The following PRPSAP2 variants were observed in gnomAD, a reference collection of about 807,000 sequenced individuals.
PRPSAP2 encodes phosphoribosyl pyrophosphate synthase-associated protein 2.
PRPSAP2 carries 24 observed loss-of-function variants against 40.6 expected under a neutral mutation model. The observed-to-expected ratio is 0.59, with a 90% CI of 0.43 to 0.83. The LOEUF (loss-of-function observed/expected upper bound fraction) is 0.83. Among genes scored for constraint, PRPSAP2 ranks in the 40% least tolerant of loss-of-function variants. PRPSAP2 has a pLI of 0.00. For missense variants in PRPSAP2, 292 were observed against 465.6 expected (o/e 0.63, Z 3.43); for synonymous variants, 149 against 164.7 (o/e 0.90, Z 0.73).
chr17:18,870,323 T>C (rs34417974), intron 4 of PRPSAP2, among the ~76,000 whole-genome samples: 80,202 of 151,378 alleles, frequency 0.53, 21,483 homozygotes, highest in Middle Eastern at 0.6. Flanking sequence ...CTCTTCAGCC[T>C]GGGAGGTCAA....
In PRPSAP2 at chr17:18,897,469, T is replaced by C. The variant is rs934652683; in HGVS notation, c.584+7592T>C. ...TCTATAGTGGTGTTGTTGTTGTTGT[T>C]GTTGTTGTTTAGACGGATTTTTATA... is the stretch of plus-strand genomic sequence containing the variant. On this transcript the variant is annotated intron_variant, in intron 8 of 11. Coordinates refer to ENST00000268835, the MANE Select transcript of PRPSAP2 (RefSeq NM_002767.4). Among the ~76,000 whole-genome samples the C allele has an allele frequency of 1.9e-4, 29 of 152,020 alleles. 1 individual carries two copies. Among genetic ancestry groups the C allele is most frequent in the Admixed American group, 1.4e-3 (22 of 15,204 alleles).
chr17:18,909,047 G>A (rs1019134863), intron 8 of PRPSAP2, among the ~76,000 whole-genome samples: 2 of 151,912 alleles, frequency 1.3e-5, no homozygotes, highest in African/African-American at 4.8e-5. Flanking sequence ...ACAAAAACCA[G>A]AAAAAAGCTA....
rs866437626 is a variant in PRPSAP2 at position 18,930,582 on chromosome 17, C to A, written c.994C>A (p.Gln332Lys). 3 of 1,613,708 alleles carry A rather than the reference C, an allele frequency of 1.9e-6. No individual in the cohort carries two copies. Among genetic ancestry groups the A allele is most frequent in the African/African-American group, 1.3e-5 (1 of 74,884 alleles). Residue 332 changes from glutamine to lysine, a missense_variant, in exon 12 of 12, where the codon CAG becomes AAG. Physicochemically the swap from Gln to Lys is moderately conservative, Grantham distance 53 (BLOSUM62 1). Transcript: ENST00000268835. The stretch of plus-strand genomic sequence containing the variant: ...AATTCCACATGAAGTCCAGAAGCTC[C>A]AGTGCCCCAAGATTAAAACTGTGGA... ...NTIPHEVQKLQCPKIKTVDIS... is the reference protein window; with the variant it reads ...NTIPHEVQKLKCPKIKTVDIS...
At chr17:18,902,901 A>G (rs2040367063) in intron 8 of PRPSAP2, among the ~76,000 whole-genome samples, 1 of 142,570 alleles carries the variant, frequency 7.0e-6, no homozygotes, top group African/African-American at 2.6e-5. Flanking sequence ...AAAGAAATTG[A>G]CTTGCCCCCC....
intron 10 of PRPSAP2, among the ~76,000 whole-genome samples, chr17:18,927,432 C>T (rs2042032219): frequency 1.3e-5 from 2 of 152,160 alleles, no homozygotes; most frequent in African/African-American, 4.8e-5. Context: ...TTTTGTTTAA[C>T]CTACCATGAT....
At chr17:18,869,607 A>C (rs920201564) in intron 4 of PRPSAP2, among the ~76,000 whole-genome samples, 1 of 148,530 alleles carries the variant, frequency 6.7e-6, no homozygotes, top group African/African-American at 2.5e-5. Flanking sequence ...GGTTCGAGTG[A>C]TTCTCGTGCC....
At chr17:18,866,242 G>C (rs2037416847) in intron 3 of PRPSAP2, among the ~76,000 whole-genome samples, 1 of 151,848 alleles carries the variant, frequency 6.6e-6, no homozygotes, top group Non-Finnish European at 1.5e-5. Flanking sequence ...TGTGTTAGAT[G>C]CTATATATAT....
intron 9 of PRPSAP2, among the ~76,000 whole-genome samples, chr17:18,922,334 G>A (rs2041730667): frequency 6.6e-6 from 1 of 152,130 alleles, no homozygotes; most frequent in Non-Finnish European, 1.5e-5. Context: ...CTTGGTGTAT[G>A]TTTAACTTTT....
chr17:18,874,822 G>A (rs1043998741), intron 5 of PRPSAP2, among the ~76,000 whole-genome samples: 2 of 152,228 alleles, frequency 1.3e-5, no homozygotes, highest in African/African-American at 4.8e-5. Context: ...TCGGGGTAGG[G>A]AAGGGGCGGG....
intron 8 of PRPSAP2, among the ~76,000 whole-genome samples, chr17:18,895,419 C>A (rs1335777727): frequency 6.6e-6 from 1 of 151,764 alleles, no homozygotes; most frequent in Non-Finnish European, 1.5e-5. Context: ...TATTTCATTT[C>A]TTTGGGTATC....
chr17:18,859,230 T>C (rs991876474), intron 1 of PRPSAP2: 6 of 152,226 alleles, frequency 3.9e-5, no homozygotes, highest in African/African-American at 1.4e-4. Context: ...ATCAAACTTC[T>C]GTTTTCTTTC....
At position 18,867,395 on chromosome 17, in the gene PRPSAP2, G is replaced by A. The variant is rs142105806; in HGVS notation, c.172+61G>A. ...TTGTGAAATGTGGCATATTGGCTCC[G>A]TCCTTCATCCTTTACTATTGAAACG... On this transcript the variant is annotated intron_variant, in intron 4 of 11. Coordinates refer to ENST00000268835, the MANE Select transcript of PRPSAP2 (RefSeq NM_002767.4). 3.8e-4 allele frequency: 580 copies of A among 1,541,614 alleles called. 3 individuals carry two copies. The African/African-American group carries it at 7.3e-3, about 19-fold the overall frequency.
In PRPSAP2 at chr17:18,923,933, G is replaced by A; in HGVS notation, c.753G>A (p.Lys251=). The A allele has an allele frequency of 6.2e-7, 1 of 1,613,554 alleles. No homozygotes were observed. Among genetic ancestry groups the A allele is most frequent in the South Asian group, 1.1e-5 (1 of 91,032 alleles). ...LEIPMLIPKE[K]PPITVVGDVG... is the part of the protein sequence containing the mutation. ...AACCAGTGCTGATTCCTAAAGAAAA[G>A]CCCCCAATCACGGTTGTGGGTGATG... Residue 251 remains lysine, a synonymous_variant, in exon 10 of 12, where the codon AAG becomes AAA. Coordinates refer to ENST00000268835, the MANE Select transcript of PRPSAP2 (RefSeq NM_002767.4).
Position 18,892,725 on chromosome 17 carries a change from G to A in PRPSAP2, c.584+2848G>A, listed in dbSNP as rs1224013025. Among the ~76,000 whole-genome samples the A allele has an allele frequency of 6.3e-3, 525 of 83,950 alleles. 7 individuals are homozygous for A. The highest frequency in any genetic ancestry group is 0.02 in the Middle Eastern group (3 of 152). 55.1% of individuals were successfully genotyped at this position (83,950 alleles called of 152,430 possible). Reference sequence around the variant, plus strand: ...TGTGTGTGTGTGTGTGTGTGTGTGTGTGTATTTATTTATTTATTTATTTTT... The same window carrying A: ...TGTGTGTGTGTGTGTGTGTGTGTGTATGTATTTATTTATTTATTTATTTTT... On this transcript the variant is annotated intron_variant, in intron 8 of 11. Coordinates refer to ENST00000268835, the MANE Select transcript of PRPSAP2 (RefSeq NM_002767.4).
chr17:18,908,162 AAC>A, intron 8 of PRPSAP2: 5 of 577,024 alleles, frequency 8.7e-6, no homozygotes, highest in Non-Finnish European at 1.6e-5. Context: ...CCATCTCAAC[AAC>A]AAAAAAAAGC....
chr17:18,907,808 A>G (rs1291717373), intron 8 of PRPSAP2, among the ~76,000 whole-genome samples: 1 of 152,208 alleles, frequency 6.6e-6, no homozygotes, highest in Non-Finnish European at 1.5e-5. Context: ...GAAGAAGTCA[A>G]AAGTGAAATT....
chr17:18,900,140 C>T lies in PRPSAP2; in HGVS notation c.584+10263C>T, dbSNP rs149934591. Among the ~76,000 whole-genome samples, 917 of 152,006 alleles carry T rather than the reference C, an allele frequency of 6.0e-3. 2 individuals carry two copies. The highest frequency in any genetic ancestry group is 0.018 in the African/African-American group (766 of 41,544). On this transcript the variant is annotated intron_variant, in intron 8 of 11. Coordinates refer to ENST00000268835, the MANE Select transcript of PRPSAP2 (RefSeq NM_002767.4). Reference sequence around the variant, plus strand: ...GACCTCGTGATCTGCCCGCCTCAGCCTCCCAGACTGCTGGGATTACAGGCG... The same window carrying T: ...GACCTCGTGATCTGCCCGCCTCAGCTTCCCAGACTGCTGGGATTACAGGCG...
At chr17:18,921,834 G>A (rs1378611800) in intron 9 of PRPSAP2, among the ~76,000 whole-genome samples, 1 of 152,138 alleles carries the variant, frequency 6.6e-6, no homozygotes, top group Non-Finnish European at 1.5e-5. Flanking sequence ...TGAAGTCAAA[G>A]TCACATAACA....
chr17:18,897,518 A>G (rs2039984585), intron 8 of PRPSAP2, among the ~76,000 whole-genome samples: 1 of 151,272 alleles, frequency 6.6e-6, no homozygotes, highest in Non-Finnish European at 1.5e-5. Context: ...CTGGAGTGCA[A>G]TGGTGCCATC....
Sources: allele counts gnomAD v4.1 joint callset (sites outside exome capture counted in the v4.1 genomes callset), GRCh38; gene constraint gnomAD v4.1.1; transcripts MANE v1.5; gene names NCBI Gene and HGNC (gene_info 2026-07-23, HGNC 2026-07-21).